Variants in NAV2 observed in about 807,000 individuals in gnomAD.
NAV2 encodes the protein helicase, APC down-regulated 1.
Under a neutral mutation model 223.2 loss-of-function variants are expected in NAV2, and 54 were observed. The ratio of observed to expected loss-of-function variants is 0.24; its 90% CI spans 0.19 to 0.30. The LOEUF (loss-of-function observed/expected upper bound fraction) is 0.30, where lower values mean the gene tolerates loss of function less well. NAV2 is among the 10% of genes least tolerant of loss of function. The probability of loss-of-function intolerance (pLI) is 1.00; values close to 1 mark genes in which losing one functional copy is unlikely to be tolerated. For synonymous variants in NAV2, 1,279 were observed against 1,239.3 expected, an observed-to-expected ratio of 1.03 and a Z score of -0.67; for missense variants, 2,806 against 3,147.5, an observed-to-expected ratio of 0.89 and a Z score of 2.60.
chr11:19,577,038 C>T (rs1432347472), intron 1 of NAV2, among the ~76,000 whole-genome samples: 1 of 152,218 alleles, frequency 6.6e-6, no homozygotes, highest in Non-Finnish European at 1.5e-5. Flanking sequence ...CCCTGGGTTC[C>T]AGGAAGTGCC....
intron 1 of NAV2, among the ~76,000 whole-genome samples, chr11:19,631,654 A>G (rs2047349583): frequency 6.6e-6 from 1 of 152,178 alleles, no homozygotes; most frequent in Admixed American, 6.5e-5. Context: ...TGTTTTAAGG[A>G]GAGACTTGCA....
At chr11:19,937,953 A>C (rs1232834429) in intron 7 of NAV2, among the ~76,000 whole-genome samples, 1 of 152,242 alleles carries the variant, frequency 6.6e-6, no homozygotes, top group Non-Finnish European at 1.5e-5. Context: ...GAAAGCTCTC[A>C]GGAAAAGATG....
intron 1 of NAV2, among the ~76,000 whole-genome samples, chr11:19,581,875 T>C (rs2045730283): frequency 1.3e-5 from 2 of 152,342 alleles, no homozygotes; most frequent in Admixed American, 1.3e-4. Context: ...TTTGGGTATA[T>C]ACCCAGTAAT....
At chr11:19,582,360 T>G (rs1246721189) in intron 1 of NAV2, among the ~76,000 whole-genome samples, 1 of 152,210 alleles carries the variant, frequency 6.6e-6, no homozygotes, top group Non-Finnish European at 1.5e-5. Context: ...GCAGAAGCTC[T>G]TTAGTTTAAT....
chr11:19,918,313 G>A (rs1270122541), intron 6 of NAV2, among the ~76,000 whole-genome samples: 2 of 152,222 alleles, frequency 1.3e-5, no homozygotes, highest in African/African-American at 4.8e-5. Flanking sequence ...TGGATTGACA[G>A]CTGGGAGTGG....
At chr11:19,775,485 C>T (rs2056085824) in intron 1 of NAV2, among the ~76,000 whole-genome samples, 1 of 152,202 alleles carries the variant, frequency 6.6e-6, no homozygotes, top group Admixed American at 6.5e-5. Flanking sequence ...ATTTGGGAAA[C>T]ATTTACTGAG....
intron 10 of NAV2, among the ~76,000 whole-genome samples, chr11:19,967,748 G>A (rs554611850): frequency 6.6e-6 from 1 of 152,310 alleles, no homozygotes; most frequent in South Asian, 2.1e-4. Flanking sequence ...GTTCCTGCAT[G>A]AGGTGAAAAG....
intron 1 of NAV2, among the ~76,000 whole-genome samples, chr11:19,614,763 A>T (rs1277398725): frequency 1.3e-5 from 2 of 152,164 alleles, no homozygotes; most frequent in African/African-American, 4.8e-5. Flanking sequence ...TGTTCTGCTC[A>T]GGGCCTCTGT....
chr11:19,829,955 G>A (rs768768772), intron 1 of NAV2, among the ~76,000 whole-genome samples: 15 of 152,328 alleles, frequency 9.8e-5, no homozygotes, highest in Middle Eastern at 3.4e-3. Flanking sequence ...GACCGGGTGC[G>A]GTGGCTCACG....
intron 1 of NAV2, among the ~76,000 whole-genome samples, chr11:19,770,756 C>T (rs546779932): frequency 8.9e-4 from 136 of 152,252 alleles, no homozygotes; most frequent in African/African-American, 3.1e-3. Context: ...TTCTATGTTT[C>T]GAGCGTTTTG....
chr11:19,730,036 G>T (rs2051613204), intron 1 of NAV2, among the ~76,000 whole-genome samples: 2 of 152,220 alleles, frequency 1.3e-5, no homozygotes, highest in African/African-American at 4.8e-5. Context: ...TGCCCAGAGA[G>T]GTGAAGCAAC....
At chr11:19,709,474 G>A (rs1037061541), upstream of NAV2, among the ~76,000 whole-genome samples, 4 of 150,846 alleles carry the variant, frequency 2.7e-5, no homozygotes, top group South Asian at 2.1e-4. Context: ...CCCAGGAGGC[G>A]GAGCTTCCTG....
rs371162598 is a variant in NAV2, at chr11:20,105,655, G to T, written c.6769G>T (p.Asp2257Tyr). The change falls in exon 35 of 38, where the codon GAC becomes TAC. Residue 2257 changes from aspartate (D) to tyrosine (Y), a missense_variant. Around this residue, in one of 4 missense-constraint regions of NAV2, gnomAD observed 824 missense variants for 1,069.4 expected, o/e 0.77. Coordinates refer to ENST00000349880, the MANE Select transcript of NAV2 (RefSeq NM_145117.5). Reference protein sequence around the residue: ...VRNMELVKIIDWIPKVWHHLN... With the variant: ...VRNMELVKIIYWIPKVWHHLN... ...CAATATGGAGCTGGTAAAAATCATT[G>T]ACTGGATTCCCAAGGTCTGGCATCA... 2.4e-5 allele frequency: 38 copies of T among 1,613,882 alleles called. No individual in the cohort carries two copies. In the African/African-American group the frequency reaches 4.1e-4, roughly 18 times the overall value.
intron 1 of NAV2, among the ~76,000 whole-genome samples, chr11:19,720,413 G>C (rs964289280): frequency 1.3e-5 from 2 of 152,208 alleles, no homozygotes; most frequent in Admixed American, 6.5e-5. Flanking sequence ...AGGGAATACA[G>C]ATCCTCTCTT....
At chr11:19,995,469 C>T (rs2051781959) in intron 11 of NAV2, among the ~76,000 whole-genome samples, 1 of 152,116 alleles carries the variant, frequency 6.6e-6, no homozygotes. Flanking sequence ...GAGGAGAAGG[C>T]CTTAAGGTGT....
intron 10 of NAV2, 55 bp from the exon 11 acceptor site, chr11:19,984,070 C>T: frequency 6.2e-7 from 1 of 1,611,952 alleles, no homozygotes; most frequent in Non-Finnish European, 8.5e-7. Context: ...GAATGCAAGC[C>T]TGGAAGCCAC....
At chr11:19,421,362 A>G (rs1850605433) in intron 1 of NAV2, among the ~76,000 whole-genome samples, 1 of 152,178 alleles carries the variant, frequency 6.6e-6, no homozygotes, top group Non-Finnish European at 1.5e-5. Context: ...TAAGGCGTGC[A>G]TGCTCACATG....
At chr11:19,920,987 T>C (rs573479730) in intron 6 of NAV2, among the ~76,000 whole-genome samples, 22 of 152,212 alleles carry the variant, frequency 1.4e-4, no homozygotes, top group Non-Finnish European at 2.6e-4. Flanking sequence ...GAGGAAATTG[T>C]TTCCTGATTT....
At chr11:19,887,731 G>A (rs1026472382) in intron 5 of NAV2, among the ~76,000 whole-genome samples, 1 of 152,068 alleles carries the variant, frequency 6.6e-6, no homozygotes, top group Non-Finnish European at 1.5e-5. Flanking sequence ...AAGAGGCAGT[G>A]GGGTTAGTAG....
Sources: gnomAD v4.1 joint callset for allele counts (sites outside exome capture counted in the v4.1 genomes callset) on GRCh38, gnomAD v4.1.1 for gene constraint, gnomAD v4.1.1 regional missense constraint, MANE v1.5 for transcripts, NCBI Gene and HGNC (gene_info 2026-07-23, HGNC 2026-07-21) for gene names.